The following PDE10A variants were observed in gnomAD, a reference collection of about 807,000 sequenced individuals.
PDE10A encodes phosphodiesterase 10A, also known as cAMP and cAMP-inhibited cGMP 3',5'-cyclic phosphodiesterase 10A.
Under a neutral mutation model 97.7 loss-of-function variants are expected in PDE10A, and 39 were observed. That is an observed-to-expected ratio of 0.40 (90% confidence interval 0.31 to 0.52). The LOEUF (loss-of-function observed/expected upper bound fraction) is 0.52, where lower values mean the gene tolerates loss of function less well. Ranked by LOEUF, PDE10A falls within the 20% of genes least tolerant of loss-of-function variation. PDE10A has a pLI of 0.56. For synonymous variants in PDE10A, 371 were observed against 376.8 expected, an observed-to-expected ratio of 0.98 and a Z score of 0.18; for missense variants, 731 against 1,047.8, an observed-to-expected ratio of 0.70 and a Z score of 4.17.
At chr6:165,864,565 G>A (rs1200210439) in intron 1 of PDE10A, among the ~76,000 whole-genome samples, 1 of 152,208 alleles carries the variant, frequency 6.6e-6, no homozygotes, top group African/African-American at 2.4e-5. Flanking sequence ...AATTTTAAGT[G>A]ATAATACACA....
At chr6:165,709,289 TCC>T in intron 1 of PDE10A, among the ~76,000 whole-genome samples, 1 of 81,346 alleles carries the variant, frequency 1.2e-5, no homozygotes, top group Admixed American at 1.4e-4. Context: ...CCTCCCACTC[TCC>T]CCACCATGCT....
chr6:165,413,178 T>G, intron 13 of PDE10A, among the ~76,000 whole-genome samples: 1 of 152,208 alleles, frequency 6.6e-6, no homozygotes, highest in East Asian at 1.9e-4. Context: ...AGTCAAGGTT[T>G]AGGTAGCATT....
At chr6:165,349,162 G>A (rs1375327363) in intron 18 of PDE10A, among the ~76,000 whole-genome samples, 1 of 152,158 alleles carries the variant, frequency 6.6e-6, no homozygotes, top group Non-Finnish European at 1.5e-5. Flanking sequence ...CAGAAGGCAG[G>A]AAAATATGGG....
chr6:165,465,641 A>C (rs950827350), intron 3 of PDE10A, among the ~76,000 whole-genome samples: 1 of 152,222 alleles, frequency 6.6e-6, no homozygotes, highest in Non-Finnish European at 1.5e-5. Context: ...TCATAGTGGA[A>C]GGTACCACGT....
At position 165,333,041 on chromosome 6, in the gene PDE10A, G is replaced by A. The variant is rs754613279; in HGVS notation, c.3152C>T (p.Ala1051Val). ...GACCAGTGCTCAATCTTCAGATGCA[G>A]CTGCCTTCTGAGCCACGGATGGGGA... ...ISSPSVAQKA[A>V]ASED The change falls in exon 22 of 22, where the codon GCT (alanine) becomes GTT (valine). Residue 1051 changes from alanine (A) to valine (V), a missense_variant. Coordinates refer to ENST00000539869, the MANE Select transcript of PDE10A (RefSeq NM_001385079.1). The A allele has an allele frequency of 1.2e-6, 2 of 1,605,306 alleles. No individual in the cohort carries two copies. Among genetic ancestry groups the A allele is most frequent in the Admixed American group, 3.3e-5 (2 of 59,952 alleles).
At chr6:165,941,690 C>T (rs999987407) in intron 1 of PDE10A, among the ~76,000 whole-genome samples, 4 of 152,228 alleles carry the variant, frequency 2.6e-5, no homozygotes, top group African/African-American at 9.7e-5. Flanking sequence ...CCTTTGCCTT[C>T]TGCCATGATT....
At position 165,395,273 on chromosome 6, in the gene PDE10A, T is replaced by G. The variant is rs755112110; in HGVS notation, c.2220-9A>C. 174 of 1,591,596 alleles carry G rather than the reference T, an allele frequency of 1.1e-4. No homozygotes were observed. The highest frequency in any genetic ancestry group is 1.4e-4 in the Non-Finnish European group (167 of 1,159,922). The stretch of plus-strand genomic sequence containing the variant: ...CAATGTCAAAGTGGAATCTGAAATT[T>G]TAAAAGGGCAGTTTATCACTAAACG... On this transcript the variant is annotated splice_polypyrimidine_tract_variant and intron_variant, in intron 14 of 21. Transcript: ENST00000539869.
rs7744260 is a variant in PDE10A at position 165,495,799 on chromosome 6, A to C, written c.995-13456T>G. 2.0e-3 allele frequency among the ~76,000 whole-genome samples: 298 copies of C among 152,296 alleles called. 2 individuals carry two copies. Among genetic ancestry groups the C allele is most frequent in the African/African-American group, 6.9e-3 (285 of 41,566 alleles). On this transcript the variant is annotated intron_variant, in intron 2 of 21. Transcript: ENST00000539869. ...CTCACTATTAACTCAAAATCCTTTT[A>C]TCTTCAAATATTTACTGAGCACCTA...
At position 165,909,900 on chromosome 6, in the gene PDE10A, T is replaced by C. The variant is rs577609959; in HGVS notation, c.-615+77629A>G. On this transcript the variant is annotated intron_variant, in intron 1 of 19. Transcript: ENST00000366882. ...CTTCTCCTCCAAAGGGCTCCTTTGC[T>C]CTTCCTTCCTTCTTTTTCTCTACAA... 9.2e-5 allele frequency among the ~76,000 whole-genome samples: 14 copies of C among 152,160 alleles called. 1 individual carries two copies. The South Asian group carries it at 2.3e-3, about 25-fold the overall frequency.
At chr6:165,883,000 C>T (rs925129132) in intron 1 of PDE10A, among the ~76,000 whole-genome samples, 2 of 152,170 alleles carry the variant, frequency 1.3e-5, no homozygotes, top group Non-Finnish European at 2.9e-5. Context: ...CTTTGGGAGG[C>T]GGAGGCGGGC....
intron 1 of PDE10A, among the ~76,000 whole-genome samples, chr6:165,816,821 G>C (rs1213219991): frequency 6.6e-6 from 1 of 152,158 alleles, no homozygotes; most frequent in Non-Finnish European, 1.5e-5. Flanking sequence ...GAGGGGGGAA[G>C]GGGCCGTAGA....
chr6:165,624,279 C>T (rs1788282097), intron 1 of PDE10A, among the ~76,000 whole-genome samples: 1 of 152,208 alleles, frequency 6.6e-6, no homozygotes, highest in Non-Finnish European at 1.5e-5. Flanking sequence ...CCACCCAACC[C>T]ATGTACATCC....
intron 1 of PDE10A, among the ~76,000 whole-genome samples, chr6:165,942,210 G>A (rs1478669029): frequency 3.3e-5 from 5 of 152,092 alleles, no homozygotes; most frequent in Admixed American, 6.5e-5. Context: ...CAGCCACGCT[G>A]TAGTATATCA....
intron 1 of PDE10A, among the ~76,000 whole-genome samples, chr6:165,796,091 C>CTTTTTTTTTTTT (rs1168771487): frequency 1.8e-5 from 2 of 108,814 alleles, no homozygotes; most frequent in Non-Finnish European, 3.6e-5. Context: ...TTTTTCTTTT[C>CTTTTTTTTTTTT]TTTTTTTTTT....
intron 9 of PDE10A, among the ~76,000 whole-genome samples, chr6:165,429,554 A>G (rs563037817): frequency 6.2e-4 from 94 of 152,272 alleles, no homozygotes; most frequent in African/African-American, 2.1e-3. Context: ...ATATACAGTG[A>G]CATGTGAAAC....
At chr6:165,386,872 C>T (rs962610921) in intron 17 of PDE10A, among the ~76,000 whole-genome samples, 10 of 150,028 alleles carry the variant, frequency 6.7e-5, no homozygotes, top group South Asian at 4.2e-4. Flanking sequence ...AAAAATTAGC[C>T]GGGCATGGTG....
intron 1 of PDE10A, among the ~76,000 whole-genome samples, chr6:165,875,997 A>G (rs1283092855): frequency 1.3e-5 from 2 of 152,244 alleles, no homozygotes; most frequent in Non-Finnish European, 2.9e-5. Context: ...GCTTTTATGG[A>G]TAACATGAGG....
At chr6:165,834,183 C>T (rs1176578110) in intron 1 of PDE10A, among the ~76,000 whole-genome samples, 1 of 152,240 alleles carries the variant, frequency 6.6e-6, no homozygotes, top group Non-Finnish European at 1.5e-5. Flanking sequence ...ACCTGCCCTG[C>T]AGACTCCTCA....
intron 1 of PDE10A, among the ~76,000 whole-genome samples, chr6:165,628,163 G>C (rs960715664): frequency 6.6e-6 from 1 of 152,180 alleles, no homozygotes; most frequent in African/African-American, 2.4e-5. Context: ...CCTGGGTTTT[G>C]AAATTCGGTG....
Sources: gnomAD v4.1 joint callset for allele counts (sites outside exome capture counted in the v4.1 genomes callset) on GRCh38, gnomAD v4.1.1 for gene constraint, MANE v1.5 for transcripts, NCBI Gene and HGNC (gene_info 2026-07-23, HGNC 2026-07-21) for gene names.